Variants in ZNF521 observed in about 807,000 individuals in gnomAD.
ZNF521 encodes the protein zinc finger protein 521.
ZNF521 carries 14 observed loss-of-function variants against 105.5 expected under a neutral mutation model. The observed-to-expected ratio is 0.13, with a 90% CI of 0.09 to 0.21. ZNF521 has a LOEUF of 0.21. Ranked by LOEUF, ZNF521 falls within the 10% of genes least tolerant of loss-of-function variation. ZNF521 has a pLI of 1.00. For missense variants in ZNF521, 1,233 were observed against 1,629.7 expected (o/e 0.76, Z 4.19); for synonymous variants, 635 against 606.0 (o/e 1.05, Z -0.70).
At chr18:25,296,234 C>T (rs763552880) in intron 3 of ZNF521, among the ~76,000 whole-genome samples, 1 of 152,126 alleles carries the variant, frequency 6.6e-6, no homozygotes, top group African/African-American at 2.4e-5. Context: ...AAATATCCCA[C>T]TTGATAGGAG....
At chr18:25,201,138 A>C (rs949273919) in intron 4 of ZNF521, 3 of 151,704 alleles carry the variant, frequency 2.0e-5, no homozygotes, top group Non-Finnish European at 4.4e-5. Context: ...TGGGTCTCAG[A>C]GGGGCATTTG....
chr18:25,307,655 T>C (rs1912055177), intron 3 of ZNF521, among the ~76,000 whole-genome samples: 1 of 152,184 alleles, frequency 6.6e-6, no homozygotes, highest in Admixed American at 6.5e-5. Context: ...TCTCATACAC[T>C]AGAGTTGATC....
chr18:25,275,446 C>G (rs1433861121), intron 3 of ZNF521, among the ~76,000 whole-genome samples: 1 of 152,166 alleles, frequency 6.6e-6, no homozygotes, highest in Non-Finnish European at 1.5e-5. Flanking sequence ...AATCTTTACA[C>G]TTTGATTTAT....
chr18:25,312,655 A>G (rs1345604549), intron 3 of ZNF521, among the ~76,000 whole-genome samples: 2 of 101,198 alleles, frequency 2.0e-5, no homozygotes, highest in African/African-American at 3.8e-5. Context: ...TACTAAAAAT[A>G]CAAAAATTAG....
chr18:25,320,369 C>T (rs1189659287), intron 3 of ZNF521, among the ~76,000 whole-genome samples: 1 of 152,100 alleles, frequency 6.6e-6, no homozygotes, highest in Non-Finnish European at 1.5e-5. Flanking sequence ...CGGGGTTTCA[C>T]CATGTTGATC....
At chr18:25,125,473 G>T (rs1321526457) in intron 5 of ZNF521, among the ~76,000 whole-genome samples, 1 of 151,986 alleles carries the variant, frequency 6.6e-6, no homozygotes, top group Non-Finnish European at 1.5e-5. Flanking sequence ...TTCCTAAAAT[G>T]AAACAGTAAT....
intron 3 of ZNF521, among the ~76,000 whole-genome samples, chr18:25,302,466 C>T (rs1362172638): frequency 6.6e-6 from 1 of 152,134 alleles, no homozygotes; most frequent in Non-Finnish European, 1.5e-5. Flanking sequence ...TAGAATGGAG[C>T]ATATTTTGTG....
At chr18:25,160,490 G>A (rs1165224315) in intron 5 of ZNF521, among the ~76,000 whole-genome samples, 2 of 152,086 alleles carry the variant, frequency 1.3e-5, no homozygotes, top group Non-Finnish European at 2.9e-5. Context: ...TTTCATACAT[G>A]GACACACTGC....
intron 2 of ZNF521, chr18:25,327,710 G>C: frequency 1.9e-6 from 1 of 518,630 alleles, no homozygotes; most frequent in Non-Finnish European, 3.8e-6. Flanking sequence ...GACGAAAACA[G>C]ATTTAGGGGA....
intron 3 of ZNF521, among the ~76,000 whole-genome samples, chr18:25,245,155 G>C (rs530314147): frequency 3.3e-5 from 5 of 152,208 alleles, no homozygotes; most frequent in African/African-American, 7.2e-5. Context: ...TTCTGAGGAA[G>C]AGAGTTTTAA....
chr18:25,068,675 G>T (rs903100060), intron 7 of ZNF521, among the ~76,000 whole-genome samples: 5 of 152,072 alleles, frequency 3.3e-5, no homozygotes, highest in Middle Eastern at 3.2e-3. Flanking sequence ...TCAAAATAAA[G>T]CTTTCTTTAA....
intron 4 of ZNF521, among the ~76,000 whole-genome samples, chr18:25,208,886 C>T (rs2036128449): frequency 6.6e-6 from 1 of 152,054 alleles, no homozygotes; most frequent in Admixed American, 6.5e-5. Context: ...CGAGGTCTTG[C>T]TACGTTGCTT....
At chr18:25,262,936 T>G (rs556330562) in intron 3 of ZNF521, among the ~76,000 whole-genome samples, 10 of 152,318 alleles carry the variant, frequency 6.6e-5, no homozygotes, top group South Asian at 6.2e-4. Context: ...TTGCAAACTT[T>G]CTCTGAATGT....
chr18:25,251,445 C>T (rs186055880), intron 3 of ZNF521, among the ~76,000 whole-genome samples: 91 of 152,290 alleles, frequency 6.0e-4, no homozygotes, highest in Non-Finnish European at 1.2e-3. Context: ...TTTATTCTTC[C>T]TATTTCTACA....
intron 4 of ZNF521, among the ~76,000 whole-genome samples, chr18:25,206,052 G>A (rs1424070600): frequency 6.6e-6 from 1 of 151,938 alleles, no homozygotes; most frequent in Non-Finnish European, 1.5e-5. Flanking sequence ...CACACAGGCT[G>A]GAGTGCAATG....
intron 3 of ZNF521, among the ~76,000 whole-genome samples, chr18:25,318,019 G>T (rs1912734729): frequency 1.3e-5 from 2 of 151,236 alleles, no homozygotes; most frequent in Non-Finnish European, 3.0e-5. Context: ...CATATAGAAG[G>T]TTGACTATTA....
At position 25,128,224 on chromosome 18, in the gene ZNF521, C is replaced by T. The variant is rs148846774; in HGVS notation, c.3659-36143G>A. Among the ~76,000 whole-genome samples the T allele has an allele frequency of 5.8e-3, 879 of 151,702 alleles. 5 individuals are homozygous for T. The highest frequency in any genetic ancestry group is 0.016 in the African/African-American group (678 of 41,468). On this transcript the variant is annotated intron_variant, in intron 5 of 7. Coordinates refer to ENST00000361524, the MANE Select transcript of ZNF521 (RefSeq NM_015461.3). ...TCAAGAGACTAAAGAAAAAAAAAATCGTATCAACAGATACAAAAAAAGAAT... is the reference window on the plus strand; with the variant it reads ...TCAAGAGACTAAAGAAAAAAAAAATTGTATCAACAGATACAAAAAAAGAAT...
chr18:25,245,542 T>C (rs891494987), intron 3 of ZNF521, among the ~76,000 whole-genome samples: 1 of 152,194 alleles, frequency 6.6e-6, no homozygotes, highest in African/African-American at 2.4e-5. Context: ...ACAGTCCCAA[T>C]TGCTTTTGTA....
At chr18:25,239,622 C>T (rs1291776352) in intron 3 of ZNF521, among the ~76,000 whole-genome samples, 3 of 152,150 alleles carry the variant, frequency 2.0e-5, no homozygotes, top group African/African-American at 7.2e-5. Context: ...CTCAGGGAGG[C>T]GATGCTAGAA....
Sources: gnomAD v4.1 joint callset for allele counts (sites outside exome capture counted in the v4.1 genomes callset) on GRCh38, gnomAD v4.1.1 for gene constraint, MANE v1.5 for transcripts, NCBI Gene and HGNC (gene_info 2026-07-23, HGNC 2026-07-21) for gene names.